The following SLC25A6 variants were observed in gnomAD, a reference collection of about 807,000 sequenced individuals.
SLC25A6 encodes the protein ADP/ATP translocase 3.
In SLC25A6, 9 loss-of-function variants were observed where a neutral mutation model predicts 25.7. The observed-to-expected ratio is 0.35, with a 90% CI of 0.21 to 0.61. The LOEUF (loss-of-function observed/expected upper bound fraction) is 0.61. SLC25A6 is among the 20% of genes least tolerant of loss of function. SLC25A6 has a pLI of 0.76. For synonymous variants in SLC25A6, 223 were observed against 197.0 expected (o/e 1.13, Z -1.11); for missense variants, 404 against 440.5 (o/e 0.92, Z 0.74).
At chrX:1,389,042 G>A (rs763101038) in intron 2 of SLC25A6, among the ~76,000 whole-genome samples, 199 bp downstream of exon 2, 5 of 151,320 alleles carry the variant, frequency 3.3e-5, no homozygotes, top group African/African-American at 4.9e-5. Flanking sequence ...AAGAAGAGAG[G>A]ATGAGGACAC....
chrX:1,386,824 C>T (rs1269451244), intron 3 of SLC25A6, 65 bp from the exon 4 acceptor site: 12 of 1,541,378 alleles, frequency 7.8e-6, no homozygotes, highest in Non-Finnish European at 8.8e-6. Context: ...ACGCCACCTG[C>T]ACCCACAAAG....
chrX:1,390,818 C>A (rs5989765), intron 1 of SLC25A6, among the ~76,000 whole-genome samples: 24,481 of 121,100 alleles, frequency 0.2, 2,859 homozygotes, highest in African/African-American at 0.25. Context: ...AAGTTTAAAA[C>A]TTTTTCTTAG....
At chrX:1,389,146 C>G in intron 2 of SLC25A6, 95 bp downstream of exon 2, 1 of 1,418,470 alleles carries the variant, frequency 7.0e-7, no homozygotes, top group African/African-American at 1.4e-5. Flanking sequence ...CAGCCCTGCC[C>G]ACACCTTATC....
chrX:1,390,968 T>C (rs1169801360), intron 1 of SLC25A6, among the ~76,000 whole-genome samples: 1 of 149,598 alleles, frequency 6.7e-6, no homozygotes. Context: ...TGCTATGTTG[T>C]CCTGGCTGGT....
At chrX:1,388,986 T>G (rs2089364605) in intron 2 of SLC25A6, among the ~76,000 whole-genome samples, 1 of 149,868 alleles carries the variant, frequency 6.7e-6, no homozygotes, top group African/African-American at 2.5e-5. Context: ...TCACCCAGTC[T>G]ATGGTATTCT....
rs752432693 is a variant in SLC25A6, at chrX:1,386,434, G to A, written c.*168C>T. ...GGAATCGGCTGCCGATGGTTGGATC[G>A]CAATGCGCCCCTTTTCTAGAGCCTT... is the stretch of plus-strand genomic sequence containing the variant. On this transcript the variant is annotated 3_prime_UTR_variant, in exon 4 of 4. Transcript: ENST00000381401. 1.0e-5 allele frequency: 9 copies of A among 876,082 alleles called. No individual in the cohort carries two copies. Among genetic ancestry groups the A allele is most frequent in the South Asian group, 2.6e-5 (1 of 38,068 alleles). The allele number at this position is 876,082 out of a possible 1,614,324, so 54.3% of individuals were successfully genotyped here.
intron 2 of SLC25A6, among the ~76,000 whole-genome samples, chrX:1,388,569 G>A (rs375139889): frequency 1.3e-5 from 2 of 148,886 alleles, no homozygotes; most frequent in East Asian, 4.0e-4. Context: ...AATGGACTAA[G>A]ACATCTCATA....
intron 3 of SLC25A6, 120 bp from the exon 4 acceptor site, chrX:1,386,879 G>T: frequency 2.5e-6 from 3 of 1,214,764 alleles, no homozygotes; most frequent in South Asian, 1.5e-5. Flanking sequence ...CCACAGTTCT[G>T]ATTACAGGAG....
intron 1 of SLC25A6, among the ~76,000 whole-genome samples, chrX:1,390,577 C>CA (rs760342805): frequency 0.037 from 4,228 of 113,224 alleles, 167 homozygotes; most frequent in African/African-American, 0.12. Context: ...GACTCCATCT[C>CA]AAAAAAAAAA....
At chrX:1,391,455 T>C (rs2089409482) in intron 1 of SLC25A6, among the ~76,000 whole-genome samples, 1 of 152,210 alleles carries the variant, frequency 6.6e-6, no homozygotes, top group Non-Finnish European at 1.5e-5. Flanking sequence ...CATATCCTGG[T>C]TATTCCAGGA....
In SLC25A6 at chrX:1,389,458, G is replaced by A. The variant is rs1448164813; in HGVS notation, c.381C>T (p.Ser127=). 6.2e-6 allele frequency: 10 copies of A among 1,613,814 alleles called. 1 individual carries two copies. The East Asian group carries it at 2.0e-4, about 32-fold the overall frequency. Residue 127 remains serine (S), a synonymous_variant, in exon 2 of 4, where the codon TCC becomes TCT. Coordinates refer to ENST00000381401, the MANE Select transcript of SLC25A6 (RefSeq NM_001636.4). Reference sequence around the variant, plus strand: ...AATCCAGCGGGTACACGAAGCAGAGGGAGGTCGCGCCGGCCGCACCGCCGG... The same window carrying A: ...AATCCAGCGGGTACACGAAGCAGAGAGAGGTCGCGCCGGCCGCACCGCCGG... ...LASGGAAGAT[S]LCFVYPLDFA...
chrX:1,387,753 C>T (rs1170840200), intron 2 of SLC25A6, among the ~76,000 whole-genome samples: 5 of 152,162 alleles, frequency 3.3e-5, no homozygotes, highest in African/African-American at 1.2e-4. Context: ...TCAAAATCCA[C>T]ATGCTGAAGT....
rs767631518 is a variant in SLC25A6, at chrX:1,389,461, G to A, written c.378C>T (p.Thr126=). ...CCAGCGGGTACACGAAGCAGAGGGAGGTCGCGCCGGCCGCACCGCCGGAGG... is the reference window on the plus strand; with the variant it reads ...CCAGCGGGTACACGAAGCAGAGGGAAGTCGCGCCGGCCGCACCGCCGGAGG... ...NLASGGAAGA[T]SLCFVYPLDF... Residue 126 remains threonine, a synonymous_variant, in exon 2 of 4, where the codon ACC becomes ACT. Transcript: ENST00000381401. 6.2e-7 allele frequency: 1 copy of A among 1,613,978 alleles called. No individual in the cohort carries two copies. The highest frequency in any genetic ancestry group is 8.5e-7 in the Non-Finnish European group (1 of 1,179,956).
chrX:1,389,158 C>G (rs2089367433), intron 2 of SLC25A6, 83 bp downstream of exon 2: 1 of 1,493,538 alleles, frequency 6.7e-7, no homozygotes, highest in Admixed American at 2.0e-5. Context: ...CACCTTATCT[C>G]AGACCTTCAG....
chrX:1,387,648 C>T (rs777916718), intron 2 of SLC25A6, among the ~76,000 whole-genome samples: 2 of 152,346 alleles, frequency 1.3e-5, no homozygotes, highest in African/African-American at 2.4e-5. Context: ...CCCAGCAAGA[C>T]AGTCCCAGAG....
In SLC25A6 at chrX:1,386,731, G is replaced by C. The variant is rs1414331547; in HGVS notation, c.768C>G (p.Asp256Glu). Residue 256 changes from aspartate (D) to glutamate (E), a missense_variant, in exon 4 of 4, where the codon GAC becomes GAG. Asp to Glu is a conservative substitution (Grantham distance 45). Transcript: ENST00000381401. ...CATCTCTGAAGATCTTCCTCCAACA[G>C]TCGACGGTGCCCGTGTACATGATGT... ...GADIMYTGTV[D>E]CWRKIFRDEG... 1.2e-6 allele frequency: 2 copies of C among 1,612,134 alleles called. No homozygotes were observed. Among genetic ancestry groups the C allele is most frequent in the South Asian group, 2.2e-5 (2 of 90,840 alleles).
intron 1 of SLC25A6, among the ~76,000 whole-genome samples, chrX:1,391,695 C>T (rs1234544437): frequency 2.0e-5 from 3 of 152,258 alleles, no homozygotes; most frequent in Non-Finnish European, 1.5e-5. Flanking sequence ...CCGCCGGGCC[C>T]AGTGCGCACG....
At chrX:1,391,867 A>C in intron 1 of SLC25A6, 32 bp downstream of exon 1, 2 of 1,523,310 alleles carry the variant, frequency 1.3e-6, no homozygotes, top group South Asian at 1.2e-5. Flanking sequence ...CCCGTCCCCT[A>C]GTCCCCGGAG....
chrX:1,386,533 G>A lies in SLC25A6; in HGVS notation c.*69C>T, dbSNP rs1460006903. 2.6e-5 allele frequency: 36 copies of A among 1,408,998 alleles called. No homozygotes were observed. Among genetic ancestry groups the A allele is most frequent in the Non-Finnish European group, 3.1e-5 (33 of 1,076,280 alleles). 87.3% of individuals were successfully genotyped at this position (1,408,998 alleles called of 1,614,324 possible). On this transcript the variant is annotated 3_prime_UTR_variant, in exon 4 of 4. Coordinates refer to ENST00000381401, the MANE Select transcript of SLC25A6 (RefSeq NM_001636.4). ...TTTCTCGAAGGTTGATGGTCCGCAC[G>A]GTTGAGGATTCTACGTGGTTCTCTT...
Sources: gnomAD v4.1 joint callset for allele counts (sites outside exome capture counted in the v4.1 genomes callset) on GRCh38, gnomAD v4.1.1 for gene constraint, MANE v1.5 for transcripts, NCBI Gene and HGNC (gene_info 2026-07-23, HGNC 2026-07-21) for gene names.